Variants in CNTNAP2 observed in about 807,000 individuals in gnomAD.
The protein encoded by CNTNAP2 is contactin associated protein 2, also known as contactin-associated protein-like 2.
A neutral mutation model predicts 155.2 loss-of-function variants in CNTNAP2; 98 were observed. That is an observed-to-expected ratio of 0.63 (90% CI 0.54 to 0.75). The LOEUF is 0.75. Ranked by LOEUF, CNTNAP2 falls within the 30% of genes least tolerant of loss-of-function variation. The probability of loss-of-function intolerance (pLI) is 0.00; values close to 1 mark genes in which losing one functional copy is unlikely to be tolerated. For synonymous variants in CNTNAP2, 651 were observed against 631.2 expected (o/e 1.03, Z -0.47); for missense variants, 1,727 against 1,688.1 (o/e 1.02, Z -0.40).
At chr7:147,039,804 A>C (rs1367928680) in intron 3 of CNTNAP2, among the ~76,000 whole-genome samples, 1 of 152,170 alleles carries the variant, frequency 6.6e-6, no homozygotes, top group African/African-American at 2.4e-5. Flanking sequence ...GTGTATAAGT[A>C]TTTCCTTTTC....
intron 1 of CNTNAP2, among the ~76,000 whole-genome samples, chr7:146,344,549 G>A (rs1240121265): frequency 2.8e-5 from 3 of 106,808 alleles, no homozygotes; most frequent in African/African-American, 5.8e-5. Context: ...GCATGATCTC[G>A]GCTCACTTCA....
At chr7:146,405,338 G>A (rs1795775555) in intron 1 of CNTNAP2, among the ~76,000 whole-genome samples, 1 of 152,176 alleles carries the variant, frequency 6.6e-6, no homozygotes, top group African/African-American at 2.4e-5. Flanking sequence ...GAAACTGTAA[G>A]TTCCATAAGG....
chr7:148,370,668 C>T lies in CNTNAP2; in HGVS notation c.3476-12981C>T, dbSNP rs185806277. 3.6e-3 allele frequency among the ~76,000 whole-genome samples: 542 copies of T among 152,182 alleles called. 4 individuals carry two copies. The highest frequency in any genetic ancestry group is 0.013 in the African/African-American group (522 of 41,518). On this transcript the variant is annotated intron_variant, in intron 21 of 23. Transcript: ENST00000361727. The stretch of plus-strand genomic sequence containing the variant: ...CCCTGCCCTTCCCTGGTGTTTCCAC[C>T]GCACCCCACCAGCTGGAATGACATC...
intron 12 of CNTNAP2, among the ~76,000 whole-genome samples, chr7:147,573,254 G>C (rs1046199833): frequency 6.6e-5 from 10 of 152,054 alleles, no homozygotes; most frequent in Admixed American, 5.2e-4. Flanking sequence ...AAATCTGTTT[G>C]CTGCATTTAC....
intron 21 of CNTNAP2, among the ~76,000 whole-genome samples, chr7:148,307,700 G>A (rs1585259388): frequency 6.6e-6 from 1 of 152,186 alleles, no homozygotes; most frequent in Non-Finnish European, 1.5e-5. Flanking sequence ...GGGCATGGTA[G>A]CGCATGCCGG....
At chr7:146,788,291 C>A (rs77652663) in intron 2 of CNTNAP2, among the ~76,000 whole-genome samples, 2 of 152,288 alleles carry the variant, frequency 1.3e-5, no homozygotes, top group South Asian at 4.1e-4. Flanking sequence ...TCCTGGAGTG[C>A]GGCCAGAGTG....
chr7:148,264,795 A>C (rs1796637896), intron 20 of CNTNAP2, among the ~76,000 whole-genome samples: 2 of 152,106 alleles, frequency 1.3e-5, no homozygotes, highest in Admixed American at 6.5e-5. Flanking sequence ...CCCAGGTTCA[A>C]GCCATTCCCA....
chr7:147,816,617 G>A (rs1798270882), intron 13 of CNTNAP2, among the ~76,000 whole-genome samples: 1 of 151,922 alleles, frequency 6.6e-6, no homozygotes, highest in Non-Finnish European at 1.5e-5. Flanking sequence ...AAATTATTAA[G>A]GCACCAACTA....
At chr7:147,820,543 CT>C in intron 13 of CNTNAP2, among the ~76,000 whole-genome samples, 1 of 152,064 alleles carries the variant, frequency 6.6e-6, no homozygotes, top group African/African-American at 2.4e-5. Flanking sequence ...AAATATTTTT[CT>C]TTGTGGCTAG....
chr7:146,291,281 T>C (rs1419084117), intron 1 of CNTNAP2, among the ~76,000 whole-genome samples: 1 of 152,196 alleles, frequency 6.6e-6, no homozygotes, highest in Non-Finnish European at 1.5e-5. Context: ...CTGTATCTCA[T>C]GGGCCAAATT....
At chr7:146,599,139 C>T (rs1798907867) in intron 1 of CNTNAP2, among the ~76,000 whole-genome samples, 1 of 152,114 alleles carries the variant, frequency 6.6e-6, no homozygotes, top group Non-Finnish European at 1.5e-5. Context: ...TACTTTTGCA[C>T]TACCACCATT....
At chr7:146,782,872 A>G (rs1319479790) in intron 2 of CNTNAP2, among the ~76,000 whole-genome samples, 1 of 152,238 alleles carries the variant, frequency 6.6e-6, no homozygotes, top group Non-Finnish European at 1.5e-5. Flanking sequence ...CGAGGATTGA[A>G]TTAAATACCT....
At chr7:146,802,507 T>C (rs1252857846) in intron 2 of CNTNAP2, among the ~76,000 whole-genome samples, 1 of 152,056 alleles carries the variant, frequency 6.6e-6, no homozygotes, top group Non-Finnish European at 1.5e-5. Context: ...GAGATGATCA[T>C]GGGGGGCAAG....
chr7:147,488,868 T>C (rs1798555926), intron 11 of CNTNAP2, among the ~76,000 whole-genome samples: 1 of 152,216 alleles, frequency 6.6e-6, no homozygotes, highest in Non-Finnish European at 1.5e-5. Flanking sequence ...TAATTAACAG[T>C]GCTCACCTCT....
At chr7:148,052,361 T>TG (rs1802909920) in intron 15 of CNTNAP2, among the ~76,000 whole-genome samples, 1 of 87,958 alleles carries the variant, frequency 1.1e-5, no homozygotes, top group African/African-American at 3.8e-5. Flanking sequence ...AACCAGGTGA[T>TG]GGAAAAAAAA....
chr7:148,288,628 TA>T (rs1797132477), intron 21 of CNTNAP2, among the ~76,000 whole-genome samples: 2 of 152,232 alleles, frequency 1.3e-5, no homozygotes, highest in African/African-American at 4.8e-5. Flanking sequence ...ATCACACTAA[TA>T]ATTTGTGGGT....
At chr7:146,892,547 G>A (rs1286670812) in intron 3 of CNTNAP2, among the ~76,000 whole-genome samples, 1 of 152,168 alleles carries the variant, frequency 6.6e-6, no homozygotes, top group African/African-American at 2.4e-5. Context: ...AATCGGTTAT[G>A]GTGACTGCCT....
chr7:148,070,939 A>C (rs960791095), intron 15 of CNTNAP2, among the ~76,000 whole-genome samples: 30 of 152,168 alleles, frequency 2.0e-4, no homozygotes, highest in African/African-American at 6.8e-4. Flanking sequence ...AATGTACTAA[A>C]ACTAATACAT....
At chr7:146,597,882 C>G (rs1798886925) in intron 1 of CNTNAP2, among the ~76,000 whole-genome samples, 2 of 152,090 alleles carry the variant, frequency 1.3e-5, no homozygotes, top group Admixed American at 6.6e-5. Flanking sequence ...CAGCAAAATC[C>G]TCTCTACTCC....
Sources: allele counts gnomAD v4.1 joint callset (sites outside exome capture counted in the v4.1 genomes callset), GRCh38; gene constraint gnomAD v4.1.1; transcripts MANE v1.5; gene names NCBI Gene and HGNC (gene_info 2026-07-23, HGNC 2026-07-21).